The following PPP3R1 variants were observed in gnomAD, a reference collection of about 807,000 sequenced individuals.
PPP3R1 encodes the protein calcineurin subunit B type 1.
A neutral mutation model predicts 22.6 loss-of-function variants in PPP3R1; 5 were observed. That is an observed-to-expected ratio of 0.22 (90% CI 0.12 to 0.46). The LOEUF (loss-of-function observed/expected upper bound fraction) is 0.46, where lower values mean the gene tolerates loss of function less well. Ranked by LOEUF, PPP3R1 falls within the 20% of genes least tolerant of loss-of-function variation. The probability of loss-of-function intolerance (pLI) is 0.99; values close to 1 mark genes in which losing one functional copy is unlikely to be tolerated. For missense variants in PPP3R1, 61 were observed against 203.2 expected, an observed-to-expected ratio of 0.30 and a Z score of 4.25; for synonymous variants, 56 against 65.2, an observed-to-expected ratio of 0.86 and a Z score of 0.68.
intron 1 of PPP3R1, among the ~76,000 whole-genome samples, chr2:68,245,520 C>T (rs1670218528): frequency 6.6e-6 from 1 of 152,210 alleles, no homozygotes; most frequent in Admixed American, 6.5e-5. Context: ...TCTTACTTTC[C>T]TGGTTTTATT....
intron 2 of PPP3R1, among the ~76,000 whole-genome samples, chr2:68,190,254 TTAAAAAAAAAA>T (rs1213739706): frequency 4.7e-5 from 4 of 85,522 alleles, no homozygotes; most frequent in African/African-American, 1.8e-4. Flanking sequence ...CAAGTTTCTC[TTAAAAAAAAAA>T]AAAAAAAAAA....
intron 1 of PPP3R1, among the ~76,000 whole-genome samples, chr2:68,223,806 C>CAAAAAAAAAAAAAAAAAAAAAGGAAAAAA (rs79743936): frequency 1.7e-5 from 1 of 58,538 alleles, no homozygotes; most frequent in African/African-American, 5.4e-5. Context: ...AAAGGGAAGA[C>CAAAAAAAAAAAAAAAAAAAAAGGAAAAAA]AAAAAAAAAA....
chr2:68,187,755 G>C (rs1674577033), intron 3 of PPP3R1, among the ~76,000 whole-genome samples: 1 of 152,070 alleles, frequency 6.6e-6, no homozygotes, highest in African/African-American at 2.4e-5. Context: ...TTTCTTCACT[G>C]CCTGATAAGC....
At chr2:68,202,163 T>C (rs114638439) in intron 2 of PPP3R1, among the ~76,000 whole-genome samples, 2,043 of 152,360 alleles carry the variant, frequency 0.013, 47 homozygotes, top group African/African-American at 0.046. Flanking sequence ...CTTTTATCTT[T>C]TGCTCTAACA....
At chr2:68,191,801 C>T (rs1674673878) in intron 2 of PPP3R1, among the ~76,000 whole-genome samples, 1 of 152,150 alleles carries the variant, frequency 6.6e-6, no homozygotes, top group Admixed American at 6.5e-5. Context: ...AAAGAGTATT[C>T]CTTCTTTAAT....
chr2:68,198,306 T>C (rs1480755867), intron 2 of PPP3R1, among the ~76,000 whole-genome samples: 9 of 145,624 alleles, frequency 6.2e-5, no homozygotes, highest in East Asian at 2.0e-4. Context: ...TGTATACATG[T>C]ATACATATAT....
At chr2:68,232,231 G>A (rs368678450) in intron 1 of PPP3R1, among the ~76,000 whole-genome samples, 26,124 of 74,418 alleles carry the variant, frequency 0.35, 3,141 homozygotes, top group African/African-American at 0.5. Context: ...ATATGTGTGT[G>A]TGTGTGTGTG....
chr2:68,252,062 G>C, intron 1 of PPP3R1, 63 bp downstream of exon 1: 1 of 1,347,732 alleles, frequency 7.4e-7, no homozygotes, highest in East Asian at 3.5e-5. Flanking sequence ...GCTCGCCCCC[G>C]CACCCGACCC....
intron 1 of PPP3R1, among the ~76,000 whole-genome samples, chr2:68,226,758 T>C (rs765751418): frequency 2.0e-5 from 3 of 152,130 alleles, no homozygotes; most frequent in Admixed American, 2.0e-4. Flanking sequence ...AGGTGCATGG[T>C]AAAAGTCTGG....
intron 1 of PPP3R1, among the ~76,000 whole-genome samples, chr2:68,233,800 G>A (rs1423113972): frequency 6.6e-6 from 1 of 151,940 alleles, no homozygotes; most frequent in Non-Finnish European, 1.5e-5. Context: ...ACTGAACATA[G>A]AATAAATGTT....
At chr2:68,236,969 T>C (rs1194966889) in intron 1 of PPP3R1, among the ~76,000 whole-genome samples, 1 of 152,172 alleles carries the variant, frequency 6.6e-6, no homozygotes, top group Non-Finnish European at 1.5e-5. Context: ...TCTGCTGACA[T>C]GCAGAGGAGC....
At chr2:68,195,695 A>C (rs1265221626) in intron 2 of PPP3R1, among the ~76,000 whole-genome samples, 1 of 152,172 alleles carries the variant, frequency 6.6e-6, no homozygotes, top group Non-Finnish European at 1.5e-5. Context: ...CCTGTAAAAA[A>C]AATACAAAAC....
intron 5 of PPP3R1, among the ~76,000 whole-genome samples, chr2:68,185,436 CTTATAT>C (rs1028515517): frequency 8.4e-5 from 11 of 130,280 alleles, no homozygotes; most frequent in African/African-American, 2.8e-4. Context: ...ATTTATATTT[CTTATAT>C]TTATATTATA....
intron 5 of PPP3R1, among the ~76,000 whole-genome samples, chr2:68,183,373 C>A (rs1674462597): frequency 6.6e-6 from 1 of 152,200 alleles, no homozygotes; most frequent in Non-Finnish European, 1.5e-5. Context: ...CTTTGGAAAT[C>A]TGCAGAACCA....
chr2:68,241,637 A>G (rs530358403), intron 1 of PPP3R1, among the ~76,000 whole-genome samples: 53 of 152,308 alleles, frequency 3.5e-4, no homozygotes, highest in Non-Finnish European at 4.4e-5. Flanking sequence ...TCACCAGGTC[A>G]GGAGCTGGCC....
chr2:68,189,826 G>A (rs1342848875), intron 2 of PPP3R1, among the ~76,000 whole-genome samples: 3 of 152,052 alleles, frequency 2.0e-5, no homozygotes, highest in African/African-American at 4.8e-5. Flanking sequence ...CTGAGATCAC[G>A]CCACTGCTTT....
At chr2:68,223,128 G>A (rs1415800837) in intron 1 of PPP3R1, among the ~76,000 whole-genome samples, 1 of 152,196 alleles carries the variant, frequency 6.6e-6, no homozygotes, top group Non-Finnish European at 1.5e-5. Flanking sequence ...GGGCGCGGTG[G>A]CTCACGCCTA....
chr2:68,207,337 T>C (rs114530627), intron 2 of PPP3R1, among the ~76,000 whole-genome samples: 1,542 of 152,094 alleles, frequency 0.01, 10 homozygotes, highest in Non-Finnish European at 0.014. Context: ...CAAGTATAGA[T>C]CTTTAGTGAC....
At chr2:68,190,155 TA>T (rs1450468160) in intron 2 of PPP3R1, among the ~76,000 whole-genome samples, 2 of 147,828 alleles carry the variant, frequency 1.4e-5, no homozygotes, top group African/African-American at 5.0e-5. Context: ...AGTTCACACG[TA>T]ATTCGTAAAG....
Sources: gnomAD v4.1 joint callset for allele counts (sites outside exome capture counted in the v4.1 genomes callset) on GRCh38, gnomAD v4.1.1 for gene constraint, MANE v1.5 for transcripts, NCBI Gene and HGNC (gene_info 2026-07-23, HGNC 2026-07-21) for gene names.